The following DPP10 variants were observed in gnomAD, a reference collection of about 807,000 sequenced individuals.
DPP10 encodes inactive dipeptidyl peptidase 10.
In DPP10, 33 loss-of-function variants were observed where a neutral mutation model predicts 120.9. That is an observed-to-expected ratio of 0.27 (90% CI 0.21 to 0.37). The LOEUF (loss-of-function observed/expected upper bound fraction) is 0.37, where lower values mean the gene tolerates loss of function less well. Ranked by LOEUF, DPP10 falls within the 10% of genes least tolerant of loss-of-function variation. DPP10 has a pLI of 1.00. For missense variants in DPP10, 816 were observed against 942.8 expected (o/e 0.87, Z 1.76); for synonymous variants, 337 against 326.1 (o/e 1.03, Z -0.36).
At chr2:114,514,203 T>A (rs1684404363) in intron 1 of DPP10, among the ~76,000 whole-genome samples, 1 of 152,204 alleles carries the variant, frequency 6.6e-6, no homozygotes, top group African/African-American at 2.4e-5. Flanking sequence ...CACTTGTAGC[T>A]AACACATATT....
At chr2:115,819,686 T>C (rs575651063) in intron 21 of DPP10, among the ~76,000 whole-genome samples, 2 of 152,324 alleles carry the variant, frequency 1.3e-5, no homozygotes, top group Admixed American at 6.5e-5. Flanking sequence ...TAATTTTTCA[T>C]TCTTTCTTTC....
chr2:115,661,492 C>T (rs961284531), intron 5 of DPP10, among the ~76,000 whole-genome samples: 3 of 152,134 alleles, frequency 2.0e-5, no homozygotes, highest in East Asian at 1.9e-4. Context: ...ATTTTGTTTT[C>T]GCTGGCATCA....
In DPP10 at chr2:114,856,299, T is replaced by C. The variant is rs114391461; in HGVS notation, c.60+413461T>C. ...CAAAGACATAGGAATTCTCATAAGA[T>C]ATAAGTAGAAATGTAAATGGAAAAA... On this transcript the variant is annotated intron_variant, in intron 1 of 25. Coordinates refer to ENST00000410059, the MANE Select transcript of DPP10 (RefSeq NM_020868.6). Among the ~76,000 whole-genome samples, 913 of 152,216 alleles carry C rather than the reference T, an allele frequency of 6.0e-3. 6 individuals are homozygous for C. The highest frequency in any genetic ancestry group is 0.02 in the African/African-American group (846 of 41,560).
intron 1 of DPP10, among the ~76,000 whole-genome samples, chr2:114,528,503 C>T (rs1685693831): frequency 6.6e-6 from 1 of 151,964 alleles, no homozygotes; most frequent in South Asian, 2.1e-4. Context: ...AAGGCAGGGA[C>T]TGCACTATTC....
At chr2:114,697,853 A>C (rs1700161501) in intron 1 of DPP10, among the ~76,000 whole-genome samples, 1 of 151,858 alleles carries the variant, frequency 6.6e-6, no homozygotes, top group Non-Finnish European at 1.5e-5. Flanking sequence ...TCTATAAGTC[A>C]CCTTCTAGAT....
At chr2:115,064,015 T>A (rs1420527762) in intron 1 of DPP10, among the ~76,000 whole-genome samples, 1 of 152,220 alleles carries the variant, frequency 6.6e-6, no homozygotes, top group Non-Finnish European at 1.5e-5. Flanking sequence ...TTTGTTAAAA[T>A]TTGCCCAATT....
At chr2:115,297,693 T>C (rs557542898) in intron 1 of DPP10, among the ~76,000 whole-genome samples, 71 of 152,186 alleles carry the variant, frequency 4.7e-4, no homozygotes, top group African/African-American at 1.7e-3. Flanking sequence ...TTCTAGATGA[T>C]TGGGCTGCAA....
intron 1 of DPP10, among the ~76,000 whole-genome samples, chr2:115,297,578 C>T (rs111565263): frequency 2.1e-4 from 32 of 152,092 alleles, no homozygotes; most frequent in African/African-American, 6.5e-4. Context: ...TAAGTGGATG[C>T]GTGGTGCACC....
At chr2:115,741,182 C>T (rs1158203185) in intron 9 of DPP10, among the ~76,000 whole-genome samples, 2 of 152,048 alleles carry the variant, frequency 1.3e-5, no homozygotes, top group African/African-American at 2.4e-5. Context: ...GCATATTCCT[C>T]AGTGAGATTT....
chr2:114,924,817 CA>C (rs990640204), intron 1 of DPP10, among the ~76,000 whole-genome samples: 1 of 151,960 alleles, frequency 6.6e-6, no homozygotes, highest in African/African-American at 2.4e-5. Flanking sequence ...AAAACAAAAA[CA>C]AAAAAACTCA....
intron 1 of DPP10, among the ~76,000 whole-genome samples, chr2:114,694,021 G>T (rs1365544718): frequency 1.1e-4 from 16 of 151,878 alleles, no homozygotes; most frequent in Admixed American, 1.1e-3. Flanking sequence ...TATTTTCTAT[G>T]ATTTCTTCTT....
chr2:114,825,462 A>T (rs1016450658), intron 1 of DPP10, among the ~76,000 whole-genome samples: 1 of 152,214 alleles, frequency 6.6e-6, no homozygotes, highest in Non-Finnish European at 1.5e-5. Context: ...CTGACCAGGT[A>T]TAATTTCAAT....
At chr2:115,012,377 C>A (rs1408111968) in intron 1 of DPP10, among the ~76,000 whole-genome samples, 4 of 152,124 alleles carry the variant, frequency 2.6e-5, no homozygotes, top group Non-Finnish European at 5.9e-5. Flanking sequence ...GGCCGACCAA[C>A]ACAAAACCAG....
chr2:115,323,440 T>C (rs991040645), intron 2 of DPP10, among the ~76,000 whole-genome samples: 1 of 152,234 alleles, frequency 6.6e-6, no homozygotes, highest in African/African-American at 2.4e-5. Context: ...TTATCAGTAC[T>C]GATTGGAATC....
intron 1 of DPP10, among the ~76,000 whole-genome samples, chr2:114,700,441 T>G (rs913040200): frequency 2.6e-5 from 4 of 152,134 alleles, no homozygotes; most frequent in African/African-American, 9.7e-5. Context: ...TAAAAATATT[T>G]GTCAGGAATT....
chr2:114,663,260 C>CA (rs1558980087), intron 1 of DPP10, among the ~76,000 whole-genome samples: 1 of 144,384 alleles, frequency 6.9e-6, no homozygotes, highest in Admixed American at 7.1e-5. Flanking sequence ...ATATATATAT[C>CA]TATATATATA....
At position 114,573,413 on chromosome 2, in the gene DPP10, A is replaced by T. The variant is rs184090563; in HGVS notation, c.60+130575A>T. ...GTGTGAACAAAGAGAAAGCACCGAT[A>T]GTTCCACACAATCAAAAGGGGATTT... is the stretch of plus-strand genomic sequence containing the variant. On this transcript the variant is annotated intron_variant, in intron 1 of 25. Coordinates refer to ENST00000410059, the MANE Select transcript of DPP10 (RefSeq NM_020868.6). 1.2e-3 allele frequency among the ~76,000 whole-genome samples: 181 copies of T among 152,354 alleles called. 1 individual carries two copies. The highest frequency in any genetic ancestry group is 4.1e-3 in the African/African-American group (170 of 41,586).
intron 5 of DPP10, among the ~76,000 whole-genome samples, chr2:115,657,936 G>A (rs1196464800): frequency 6.6e-6 from 1 of 151,842 alleles, no homozygotes; most frequent in African/African-American, 2.4e-5. Context: ...CTTCCACAGA[G>A]CATAGGTACA....
At chr2:114,973,385 G>A (rs1376371410) in intron 1 of DPP10, among the ~76,000 whole-genome samples, 1 of 151,654 alleles carries the variant, frequency 6.6e-6, no homozygotes, top group Non-Finnish European at 1.5e-5. Context: ...CTGTAGGCCG[G>A]GCACGGTGGT....
Sources: allele counts gnomAD v4.1 joint callset (sites outside exome capture counted in the v4.1 genomes callset), GRCh38; gene constraint gnomAD v4.1.1; transcripts MANE v1.5; gene names NCBI Gene and HGNC (gene_info 2026-07-23, HGNC 2026-07-21).